PHLDB2: variants seen among roughly 807,000 people sequenced by gnomAD.
The protein encoded by PHLDB2 is pleckstrin homology like domain family B member 2, also known as pleckstrin homology-like domain family B member 2.
PHLDB2 carries 71 observed loss-of-function variants against 123.6 expected under a neutral mutation model. The ratio of observed to expected loss-of-function variants is 0.57; its 90% CI spans 0.47 to 0.70. The LOEUF (loss-of-function observed/expected upper bound fraction) is 0.70. Among genes scored for constraint, PHLDB2 ranks in the 30% least tolerant of loss-of-function variants. The probability of loss-of-function intolerance (pLI) is 0.00; values close to 1 mark genes in which losing one functional copy is unlikely to be tolerated. For missense variants in PHLDB2, 1,446 were observed against 1,519.5 expected (o/e 0.95, Z 0.80); for synonymous variants, 547 against 541.6 (o/e 1.01, Z -0.14).
At chr3:111,906,695 G>A (rs1175920398) in intron 2 of PHLDB2, among the ~76,000 whole-genome samples, 1 of 152,102 alleles carries the variant, frequency 6.6e-6, no homozygotes, top group Admixed American at 6.6e-5. Flanking sequence ...ATTATTCTTT[G>A]GGAGAATAGG....
chr3:111,940,892 G>T (rs974119574), intron 8 of PHLDB2, among the ~76,000 whole-genome samples: 1 of 152,238 alleles, frequency 6.6e-6, no homozygotes, highest in Non-Finnish European at 1.5e-5. Flanking sequence ...CTTAACGATG[G>T]AAAGTCTGTA....
In PHLDB2 at chr3:111,884,811, GC is replaced by G. The variant is rs2066082946; in HGVS notation, c.736del (p.Leu246Ter). 1.9e-6 allele frequency: 3 copies of G among 1,613,936 alleles called. No homozygotes were observed. In the African/African-American group the frequency reaches 4.0e-5, roughly 22 times the overall value. ...AGAACTAGGAAGTACTCCAGCAGCAGCCTGAGTCACATGGGAGCCTACAGCC... is the reference window on the plus strand; with the variant it reads ...AGAACTAGGAAGTACTCCAGCAGCAGCTGAGTCACATGGGAGCCTACAGCC... ...NLRTRKYSSSSLSHMGAYSRS... is the reference protein window; with the variant it reads ...NLRTRKYSSSXLSHMGAYSRS... On this transcript the variant is annotated frameshift_variant, in exon 2 of 18. Transcript: ENST00000431670. LOFTEE classifies it high-confidence loss of function.
intron 1 of PHLDB2, among the ~76,000 whole-genome samples, chr3:111,738,098 A>G (rs1231451940): frequency 2.0e-5 from 3 of 152,290 alleles, no homozygotes; most frequent in African/African-American, 7.2e-5. Context: ...CATGTATCCC[A>G]CAAAATTTAG....
chr3:111,952,480 GT>G (rs1262297801), intron 10 of PHLDB2, 91 bp from the exon 11 acceptor site: 83 of 1,420,130 alleles, frequency 5.8e-5, no homozygotes, highest in Non-Finnish European at 6.8e-5. Flanking sequence ...TAAAATTCCA[GT>G]TTTTTTTGTA....
intron 1 of PHLDB2, among the ~76,000 whole-genome samples, chr3:111,811,333 T>TA (rs34872602): frequency 2.4e-4 from 37 of 152,264 alleles, no homozygotes; most frequent in Middle Eastern, 3.4e-3. Flanking sequence ...GAAATCATTT[T>TA]AAAAAATGTA....
At chr3:111,779,089 C>T (rs533612464) in intron 1 of PHLDB2, among the ~76,000 whole-genome samples, 3 of 152,058 alleles carry the variant, frequency 2.0e-5, no homozygotes, top group East Asian at 1.9e-4. Context: ...GTTTCTGACT[C>T]GGTAGGTCTG....
chr3:111,869,402 G>A (rs934281930), intron 1 of PHLDB2, among the ~76,000 whole-genome samples: 1 of 151,366 alleles, frequency 6.6e-6, no homozygotes. Context: ...TTCCCTAATG[G>A]TCTTCCTTAC....
In PHLDB2 at chr3:111,951,221, T is replaced by G. The variant is rs539655346; in HGVS notation, c.2632-1351T>G. Among the ~76,000 whole-genome samples the G allele has an allele frequency of 4.6e-5, 7 of 152,302 alleles. No homozygotes were observed. The South Asian group carries it at 1.0e-3, about 23-fold the overall frequency. On this transcript the variant is annotated intron_variant, in intron 10 of 17. Transcript: ENST00000431670. ...TTAGTATGGACTACCTGGCCATGAATTCTAGCTCTGCCGCTGTCCAGCTAC... is the reference window on the plus strand; with the variant it reads ...TTAGTATGGACTACCTGGCCATGAAGTCTAGCTCTGCCGCTGTCCAGCTAC...
chr3:111,969,879 C>A lies in PHLDB2; in HGVS notation c.3505C>A (p.Arg1169=). 1 of 1,613,836 alleles carries A rather than the reference C, an allele frequency of 6.2e-7. No homozygotes were observed. The highest frequency in any genetic ancestry group is 1.1e-5 in the South Asian group (1 of 91,056). Residue 1169 remains arginine (R), a synonymous_variant, in exon 16 of 18, where the codon CGG becomes AGG. Coordinates refer to ENST00000431670, the MANE Select transcript of PHLDB2 (RefSeq NM_001134438.2). ...TWKKRWFVFD[R]NKRTFSYYAD... is the part of the protein sequence containing the mutation. ...GAAAAAACGTTGGTTTGTTTTTGAT[C>A]GGAACAAGCGAACATTCTCTTATTA...
intron 1 of PHLDB2, among the ~76,000 whole-genome samples, chr3:111,836,466 T>A (rs1280380759): frequency 1.3e-5 from 2 of 152,142 alleles, no homozygotes; most frequent in Non-Finnish European, 2.9e-5. Context: ...CACTGACGTG[T>A]CTAACAAGCA....
chr3:111,771,409 G>T (rs1297434270), intron 1 of PHLDB2, among the ~76,000 whole-genome samples: 1 of 150,870 alleles, frequency 6.6e-6, no homozygotes, highest in African/African-American at 2.4e-5. Context: ...GAGTGCAGTG[G>T]TGCCATCTCG....
At chr3:111,904,720 A>G (rs1253328665) in intron 2 of PHLDB2, among the ~76,000 whole-genome samples, 2 of 152,152 alleles carry the variant, frequency 1.3e-5, no homozygotes, top group East Asian at 1.9e-4. Flanking sequence ...GAAGGAGTCA[A>G]TAGAGAGGGA....
At chr3:111,776,812 T>A (rs1037866568) in intron 1 of PHLDB2, among the ~76,000 whole-genome samples, 2 of 152,144 alleles carry the variant, frequency 1.3e-5, no homozygotes, top group African/African-American at 4.8e-5. Flanking sequence ...TATTATGCTT[T>A]CTCCCTTCCA....
chr3:111,867,077 C>T (rs2065125684), intron 1 of PHLDB2, among the ~76,000 whole-genome samples: 1 of 152,068 alleles, frequency 6.6e-6, no homozygotes, highest in African/African-American at 2.4e-5. Flanking sequence ...AGCTACCCCA[C>T]ATAACGTTAT....
chr3:111,932,195 G>A, intron 5 of PHLDB2, 74 bp from the exon 6 acceptor site: 1 of 1,460,926 alleles, frequency 6.8e-7, no homozygotes, highest in Non-Finnish European at 9.2e-7. Flanking sequence ...TGTTATCCTT[G>A]AGAAATGTTC....
intron 1 of PHLDB2, among the ~76,000 whole-genome samples, chr3:111,882,123 C>T (rs1178573705): frequency 6.6e-6 from 1 of 151,976 alleles, no homozygotes; most frequent in Non-Finnish European, 1.5e-5. Flanking sequence ...GTACAATATT[C>T]TCTCATGATG....
chr3:111,899,134 C>T (rs907844427), intron 2 of PHLDB2, among the ~76,000 whole-genome samples: 3 of 152,052 alleles, frequency 2.0e-5, no homozygotes, highest in Non-Finnish European at 4.4e-5. Context: ...ACTTGAAAGC[C>T]AAAATTACCC....
At chr3:111,789,960 C>A (rs1218216147) in intron 1 of PHLDB2, among the ~76,000 whole-genome samples, 1 of 152,162 alleles carries the variant, frequency 6.6e-6, no homozygotes, top group Non-Finnish European at 1.5e-5. Flanking sequence ...TCTATCCAAC[C>A]AAAGCCCCTT....
At chr3:111,742,685 C>A (rs1351537253) in intron 1 of PHLDB2, among the ~76,000 whole-genome samples, 1 of 152,094 alleles carries the variant, frequency 6.6e-6, no homozygotes. Context: ...GTATATGTGC[C>A]ACATTTTCTT....
Sources: gnomAD v4.1 joint callset for allele counts (sites outside exome capture counted in the v4.1 genomes callset) on GRCh38, gnomAD v4.1.1 for gene constraint, MANE v1.5 for transcripts, NCBI Gene and HGNC (gene_info 2026-07-23, HGNC 2026-07-21) for gene names.